The following SOX6 variants were observed in gnomAD, a reference collection of about 807,000 sequenced individuals.
The protein encoded by SOX6 is SRY-box transcription factor 6.
Under a neutral mutation model 97.8 loss-of-function variants are expected in SOX6, and 11 were observed. That is an observed-to-expected ratio of 0.11 (90% confidence interval 0.07 to 0.19). The LOEUF is 0.19. SOX6 is among the 10% of genes least tolerant of loss of function. SOX6 has a pLI of 1.00. For missense variants in SOX6, 810 were observed against 1,039.5 expected (o/e 0.78, Z 3.04); for synonymous variants, 360 against 371.4 (o/e 0.97, Z 0.35).
chr11:16,137,020 A>C (rs1849984300), intron 6 of SOX6, among the ~76,000 whole-genome samples: 2 of 152,258 alleles, frequency 1.3e-5, no homozygotes, highest in South Asian at 4.1e-4. Flanking sequence ...AAAAACTCAC[A>C]AATACTTAAA....
chr11:16,562,856 T>C (rs1201911115), intron 4 of SOX6, among the ~76,000 whole-genome samples: 11 of 152,064 alleles, frequency 7.2e-5, no homozygotes, highest in Non-Finnish European at 1.6e-4. Flanking sequence ...CATCCAGCAC[T>C]ACAAGAAGCC....
chr11:16,354,933 TTGCTACTAG>T (rs1246281906), intron 1 of SOX6, among the ~76,000 whole-genome samples: 2 of 152,014 alleles, frequency 1.3e-5, no homozygotes, highest in Non-Finnish European at 2.9e-5. Context: ...TAAAATCAAG[TTGCTACTAG>T]TGTGCTAAAG....
chr11:16,497,122 C>A (rs1860613655), intron 4 of SOX6, among the ~76,000 whole-genome samples: 1 of 152,142 alleles, frequency 6.6e-6, no homozygotes, highest in Non-Finnish European at 1.5e-5. Context: ...GACAAAACTT[C>A]CAGAGGAACG....
chr11:16,604,122 G>T (rs1848304380), intron 4 of SOX6, among the ~76,000 whole-genome samples: 1 of 152,232 alleles, frequency 6.6e-6, no homozygotes, highest in Non-Finnish European at 1.5e-5. Context: ...AGCTTCGCCG[G>T]CCCTTGGCCG....
chr11:16,582,005 T>C lies in SOX6; in HGVS notation n.609+30076A>G, dbSNP rs1289022428. Among the ~76,000 whole-genome samples, 3 of 151,310 alleles carry C rather than the reference T, an allele frequency of 2.0e-5. No individual in the cohort carries two copies. In the East Asian group the frequency reaches 5.8e-4, roughly 29 times the overall value. On this transcript the variant is annotated intron_variant and non_coding_transcript_variant, in intron 4 of 5. Transcript: ENST00000524520. Reference sequence around the variant, plus strand: ...AGAAGAAGAATGAAATCATGTCCTTTGCAACAACATGGATGCAGCTGGAGG... The same window carrying C: ...AGAAGAAGAATGAAATCATGTCCTTCGCAACAACATGGATGCAGCTGGAGG...
chr11:16,276,307 A>G (rs1331229017), intron 3 of SOX6, among the ~76,000 whole-genome samples: 2 of 152,212 alleles, frequency 1.3e-5, no homozygotes, highest in Non-Finnish European at 2.9e-5. Context: ...GACCTTGGCT[A>G]TAAGTGTAGC....
intron 2 of SOX6, among the ~76,000 whole-genome samples, chr11:16,325,007 T>C (rs909769713): frequency 4.6e-5 from 7 of 152,128 alleles, no homozygotes; most frequent in African/African-American, 1.2e-4. Flanking sequence ...TAGCACATTA[T>C]ACATCATTAA....
intron 1 of SOX6, among the ~76,000 whole-genome samples, chr11:16,394,046 T>C (rs530020240): frequency 4.6e-5 from 7 of 152,088 alleles, no homozygotes; most frequent in African/African-American, 1.7e-4. Flanking sequence ...GAAACAAAGA[T>C]AATAATAGCT....
intron 4 of SOX6, among the ~76,000 whole-genome samples, chr11:16,501,407 C>G (rs891114328): frequency 1.2e-4 from 18 of 152,296 alleles, no homozygotes; most frequent in African/African-American, 4.1e-4. Context: ...TGGGCAAGAA[C>G]TTCGTGTCTA....
chr11:16,319,625 G>C (rs1031405113), intron 2 of SOX6, among the ~76,000 whole-genome samples: 1 of 151,650 alleles, frequency 6.6e-6, no homozygotes, highest in East Asian at 1.9e-4. Flanking sequence ...AGTTTGCTGA[G>C]AATGATGGTT....
intron 4 of SOX6, among the ~76,000 whole-genome samples, chr11:16,540,116 T>C (rs1861380442): frequency 1.3e-5 from 2 of 152,140 alleles, no homozygotes; most frequent in Admixed American, 6.6e-5. Context: ...AAAAAGCTTA[T>C]CCACCACGAT....
At chr11:16,156,703 T>C (rs1398468695) in intron 6 of SOX6, among the ~76,000 whole-genome samples, 2 of 151,990 alleles carry the variant, frequency 1.3e-5, no homozygotes, top group Non-Finnish European at 2.9e-5. Flanking sequence ...ACCTAAAACA[T>C]GCCAAGCACA....
chr11:16,459,926 C>G (rs1590211984), intron 1 of SOX6, among the ~76,000 whole-genome samples: 2 of 151,702 alleles, frequency 1.3e-5, no homozygotes, highest in East Asian at 3.9e-4. Context: ...GAAAATTTTC[C>G]AGATACAATG....
chr11:16,677,440 A>C (rs552568530), intron 3 of SOX6, among the ~76,000 whole-genome samples: 104 of 152,278 alleles, frequency 6.8e-4, no homozygotes, highest in African/African-American at 2.4e-3. Flanking sequence ...CTCGATCTTC[A>C]AATTTTTTGC....
intron 13 of SOX6, among the ~76,000 whole-genome samples, chr11:16,005,987 T>G (rs971602575): frequency 6.6e-6 from 1 of 151,908 alleles, no homozygotes; most frequent in Admixed American, 6.6e-5. Flanking sequence ...CCCGCACTCC[T>G]AAGTGAGAGG....
At chr11:16,596,054 G>A (rs1343318061) in intron 4 of SOX6, among the ~76,000 whole-genome samples, 1 of 152,028 alleles carries the variant, frequency 6.6e-6, no homozygotes, top group African/African-American at 2.4e-5. Context: ...ATAAATATGA[G>A]GCACCTAAAG....
chr11:16,663,899 G>A (rs777503692), intron 3 of SOX6, among the ~76,000 whole-genome samples: 11 of 152,024 alleles, frequency 7.2e-5, no homozygotes, highest in Non-Finnish European at 1.0e-4. Flanking sequence ...ATTTTAATAT[G>A]CAGCACATTT....
chr11:16,174,935 T>C lies in SOX6; in HGVS notation c.777+8951A>G, dbSNP rs139669069. On this transcript the variant is annotated intron_variant, in intron 6 of 15. Transcript: ENST00000683767. ...TCTGTTTTTTGAAAATAAAATGTTA[T>C]GCTCTCTTTTATACAATCTCCAAGC... 3.9e-5 allele frequency among the ~76,000 whole-genome samples: 6 copies of C among 152,022 alleles called. No homozygotes were observed. The East Asian group carries it at 1.2e-3, about 29-fold the overall frequency.
At chr11:16,173,763 ATTTTTTCTGTAG>A (rs1851105378) in intron 6 of SOX6, among the ~76,000 whole-genome samples, 2 of 150,818 alleles carry the variant, frequency 1.3e-5, no homozygotes, top group African/African-American at 4.8e-5. Context: ...ACTCAAAGAC[ATTTTTTCTGTAG>A]TTTTTTCTTA....
Sources: gnomAD v4.1 joint callset for allele counts (sites outside exome capture counted in the v4.1 genomes callset) on GRCh38, gnomAD v4.1.1 for gene constraint, MANE v1.5 for transcripts, NCBI Gene and HGNC (gene_info 2026-07-23, HGNC 2026-07-21) for gene names.